The following KIF26A variants were observed in gnomAD, a reference collection of about 807,000 sequenced individuals.
The protein encoded by KIF26A is kinesin-like protein KIF26A.
In KIF26A, 74 loss-of-function variants were observed where a neutral mutation model predicts 126.0. The ratio of observed to expected loss-of-function variants is 0.59; its 90% confidence interval spans 0.49 to 0.71. The LOEUF is 0.71. KIF26A is among the 30% of genes least tolerant of loss of function. The pLI is 0.00. For synonymous variants in KIF26A, 1,445 were observed against 1,232.7 expected (o/e 1.17, Z -3.61); for missense variants, 2,984 against 2,763.3 (o/e 1.08, Z -1.79).
chr14:104,155,878 G>C (rs1012236414), intron 3 of KIF26A, among the ~76,000 whole-genome samples: 1 of 152,160 alleles, frequency 6.6e-6, no homozygotes, highest in Non-Finnish European at 1.5e-5. Context: ...TGGAGGGGCC[G>C]GGTGGGCTGT....
rs568441456 is a variant in KIF26A, at chr14:104,177,718, G to A, written c.4930G>A (p.Ala1644Thr). ...SSVLSGELPP[A>T]MGRTALFHHS... ...CGTGCTGAGTGGAGAGCTGCCGCCC[G>A]CCATGGGCCGCACCGCCCTTTTCCA... The change falls in exon 12 of 15, where the codon GCC becomes ACC. Residue 1644 changes from alanine (A) to threonine (T), a missense_variant. Transcript: ENST00000423312. 4.6e-6 allele frequency: 7 copies of A among 1,535,834 alleles called. No homozygotes were observed. Among genetic ancestry groups the A allele is most frequent in the African/African-American group, 1.4e-5 (1 of 73,048 alleles).
intron 5 of KIF26A, among the ~76,000 whole-genome samples, chr14:104,170,871 C>G (rs1025369921): frequency 1.3e-5 from 2 of 152,260 alleles, no homozygotes; most frequent in Non-Finnish European, 2.9e-5. Context: ...GTGTCAGGGT[C>G]TTCCCGAGTC....
rs1443706534 is a variant in KIF26A at position 104,139,068 on chromosome 14, AGCC to A, written c.77_79del (p.Pro26del). The A allele has an allele frequency of 7.2e-7, 1 of 1,386,014 alleles. No homozygotes were observed. Among genetic ancestry groups the A allele is most frequent in the Non-Finnish European group, 9.3e-7 (1 of 1,076,722 alleles). The allele number at this position is 1,386,014 out of a possible 1,614,324, so 85.9% of individuals were successfully genotyped here. A position where few individuals can be genotyped will look rare whatever the true frequency, so the allele number is the denominator to read the frequency against. On this transcript the variant is annotated inframe_deletion, in exon 2 of 15. Coordinates refer to ENST00000423312, the MANE Select transcript of KIF26A (RefSeq NM_015656.2). ...GTGGCCGAGGGCGGCCCGGCCCGCG[AGCC>A]GCCGCCGCTGCTGGAGGTGTCCCCC...
rs1477798322 is a variant in KIF26A, at chr14:104,166,997, C to T, written c.1062C>T (p.Cys354=). The T allele has an allele frequency of 2.5e-6, 4 of 1,583,192 alleles. No individual in the cohort carries two copies. Among genetic ancestry groups the T allele is most frequent in the South Asian group, 1.2e-5 (1 of 86,822 alleles). Residue 354 remains cysteine (C), a synonymous_variant, in exon 5 of 15, where the codon TGC becomes TGT. Coordinates refer to ENST00000423312, the MANE Select transcript of KIF26A (RefSeq NM_015656.2). ...TGTGGCCGCCCCCGGCGCCCCCCTG[C>T]CTGCTCAGGGCCGCCTCCAAGACCA... ...LQLWPPPAPP[C]LLRAASKTKD...
chr14:104,147,754 G>A (rs2037692462), intron 2 of KIF26A, among the ~76,000 whole-genome samples: 1 of 152,258 alleles, frequency 6.6e-6, no homozygotes, highest in East Asian at 1.9e-4. Flanking sequence ...AGCCCAGCAC[G>A]CTTTGTTTGG....
Position 104,177,056 on chromosome 14 carries a change from C to G in KIF26A, c.4268C>G (p.Ala1423Gly). The change falls in exon 12 of 15, where the codon GCC becomes GGC. Residue 1423 changes from alanine to glycine, a missense_variant. Ala to Gly is a moderately conservative substitution (Grantham distance 60, BLOSUM62 0). Coordinates refer to ENST00000423312, the MANE Select transcript of KIF26A (RefSeq NM_015656.2). ...PRATSSLKARASKVEAAHRLA... is the reference protein window; with the variant it reads ...PRATSSLKARGSKVEAAHRLA... ...GCCACGTCCAGCCTGAAGGCCCGGG[C>G]CAGCAAGGTAGAAGCAGCACACCGT... The G allele has an allele frequency of 6.3e-7, 1 of 1,588,078 alleles. No individual in the cohort carries two copies. Among genetic ancestry groups the G allele is most frequent in the Non-Finnish European group, 8.5e-7 (1 of 1,175,432 alleles).
In KIF26A at chr14:104,180,145, G is replaced by A. The variant is rs866230013; in HGVS notation, c.*355G>A. ...GTCCGGGCCGGGGCTGGCGCCGGTT[G>A]TGTTTGTGTCCACCTTGCCTTCTTT... On this transcript the variant is annotated 3_prime_UTR_variant, in exon 15 of 15. Coordinates refer to ENST00000423312, the MANE Select transcript of KIF26A (RefSeq NM_015656.2). The A allele has an allele frequency of 4.5e-6, 1 of 221,354 alleles. No homozygotes were observed. The highest frequency in any genetic ancestry group is 2.3e-5 in the African/African-American group (1 of 43,838). The allele number at this position is 221,354 out of a possible 1,614,324, so 13.7% of individuals were successfully genotyped here. A position where few individuals can be genotyped will look rare whatever the true frequency, so the allele number is the denominator to read the frequency against.
At chr14:104,140,130 G>A (rs1356391233) in intron 2 of KIF26A, among the ~76,000 whole-genome samples, 1 of 152,210 alleles carries the variant, frequency 6.6e-6, no homozygotes, top group Non-Finnish European at 1.5e-5. Context: ...AGTTCTCTAA[G>A]GGCTGTGGGG....
At position 104,139,096 on chromosome 14, in the gene KIF26A, C is replaced by T. The variant is rs1400218205; in HGVS notation, c.96C>T (p.Pro32=). Residue 32 remains proline (P), a synonymous_variant, in exon 2 of 15, where the codon CCC becomes CCT. Coordinates refer to ENST00000423312, the MANE Select transcript of KIF26A (RefSeq NM_015656.2). ...CGCCGCCGCTGCTGGAGGTGTCCCCCCGAAAGAGGCTACCCGCCGGGCCCG... is the reference window on the plus strand; with the variant it reads ...CGCCGCCGCTGCTGGAGGTGTCCCCTCGAAAGAGGCTACCCGCCGGGCCCG... ...REPPPLLEVS[P]RKRLPAGPDQ... The T allele has an allele frequency of 6.8e-6, 10 of 1,465,682 alleles. No homozygotes were observed. The highest frequency in any genetic ancestry group is 9.0e-6 in the Non-Finnish European group (10 of 1,111,482). 90.8% of individuals were successfully genotyped at this position (1,465,682 alleles called of 1,614,324 possible).
Position 104,175,004 on chromosome 14 carries a change from G to T in KIF26A, c.2216G>T (p.Gly739Val). 1 of 1,551,010 alleles carries T rather than the reference G, an allele frequency of 6.4e-7. No individual in the cohort carries two copies. Among genetic ancestry groups the T allele is most frequent in the Non-Finnish European group, 8.7e-7 (1 of 1,151,878 alleles). ...KAKYASSSSG[G>V]ESSCEEGRAR... ...CAGTACGCCTCCAGCTCCTCTGGCG[G>T]GGAGAGCTCCTGTGAGGAAGGCCGG... Residue 739 changes from glycine (G) to valine (V), a missense_variant, in exon 12 of 15, where the codon GGG (glycine) becomes GTG (valine). Transcript: ENST00000423312.
At chr14:104,179,582 G>T in intron 14 of KIF26A, 27 bp from the exon 15 acceptor site, 2 of 1,485,156 alleles carry the variant, frequency 1.3e-6, no homozygotes, top group Admixed American at 2.3e-5. Context: ...TGACGCAGGT[G>T]CCCCTCCCCT....
At chr14:104,147,029 G>C (rs2037686290) in intron 2 of KIF26A, among the ~76,000 whole-genome samples, 1 of 152,114 alleles carries the variant, frequency 6.6e-6, no homozygotes, top group African/African-American at 2.4e-5. Context: ...GGAGGCAGGG[G>C]CCTGATTTGA....
chr14:104,141,329 C>G (rs10149989), intron 2 of KIF26A, among the ~76,000 whole-genome samples: 9,328 of 152,290 alleles, frequency 0.061, 966 homozygotes, highest in African/African-American at 0.21. Flanking sequence ...TCCCCAGGGG[C>G]CCGTTTCGTA....
intron 4 of KIF26A, among the ~76,000 whole-genome samples, chr14:104,160,737 G>GCCT (rs1174224545): frequency 6.6e-6 from 1 of 152,220 alleles, no homozygotes; most frequent in Non-Finnish European, 1.5e-5. Context: ...GGCGCTGGGA[G>GCCT]CCTCTGCAGT....
In KIF26A at chr14:104,157,939, T is replaced by C. The variant is rs1188894821; in HGVS notation, c.920T>C (p.Ile307Thr). The C allele has an allele frequency of 1.3e-6, 2 of 1,510,388 alleles. No individual in the cohort carries two copies. Among genetic ancestry groups the C allele is most frequent in the Non-Finnish European group, 1.8e-6 (2 of 1,128,684 alleles). The allele number at this position is 1,510,388 out of a possible 1,614,324, so 93.6% of individuals were successfully genotyped here. ...CCCTCAGCTGCAGCCTCCTTCTTCA[T>C]AAGGTATGTCCTGGGGCTTCCTGGG... The part of the protein sequence containing the change: ...TGPSAAASFF[I>T]RAMQKLSLAS... Residue 307 changes from isoleucine (I) to threonine (T), a missense_variant, in exon 4 of 15, where the codon ATA (isoleucine) becomes ACA (threonine). By Grantham distance (89) the Ile-to-Thr change is moderately conservative. Coordinates refer to ENST00000423312, the MANE Select transcript of KIF26A (RefSeq NM_015656.2).
At chr14:104,139,006 C>A (rs1362221735) in intron 1 of KIF26A, 37 bp from the exon 2 acceptor site, 1 of 1,328,230 alleles carries the variant, frequency 7.5e-7, no homozygotes. Context: ...ACGGACGTCC[C>A]AGGCTCACTG....
chr14:104,167,108 G>A (rs544942732), intron 5 of KIF26A, 60 bp downstream of exon 5: 86 of 1,423,608 alleles, frequency 6.0e-5, no homozygotes, highest in Admixed American at 1.4e-4. Flanking sequence ...CTGAGAAGAC[G>A]CAGGAGGGGT....
intron 2 of KIF26A, among the ~76,000 whole-genome samples, chr14:104,143,677 A>G (rs1788426719): frequency 6.6e-6 from 1 of 152,174 alleles, no homozygotes; most frequent in Admixed American, 6.5e-5. Flanking sequence ...GATGCTCGCC[A>G]CTTGTGGTCA....
rs2037990615 is a variant in KIF26A at position 104,174,165 on chromosome 14, T to A, written c.2048T>A (p.Met683Lys). The A allele has an allele frequency of 2.5e-6, 4 of 1,585,268 alleles. No individual in the cohort carries two copies. Among genetic ancestry groups the A allele is most frequent in the Non-Finnish European group, 3.4e-6 (4 of 1,164,746 alleles). Residue 683 changes from methionine (M) to lysine (K), a missense_variant, in exon 11 of 15, where the codon ATG (methionine) becomes AAG (lysine). Physicochemically the swap from Met to Lys is moderately conservative, Grantham distance 95. Coordinates refer to ENST00000423312, the MANE Select transcript of KIF26A (RefSeq NM_015656.2). ...ACCCGCAGGGACCACAGGCTCACCA[T>A]GCTGCTGCGTGAATCCCTGGCCACC... The part of the protein sequence containing the change: ...HVPYRDHRLT[M>K]LLRESLATAG...
Sources: allele counts gnomAD v4.1 joint callset (sites outside exome capture counted in the v4.1 genomes callset), GRCh38; gene constraint gnomAD v4.1.1; transcripts MANE v1.5; gene names NCBI Gene and HGNC (gene_info 2026-07-23, HGNC 2026-07-21).